SRRM2: variants seen among roughly 807,000 people sequenced by gnomAD.
The protein encoded by SRRM2 is serine/arginine repetitive matrix 2.
In SRRM2, 30 loss-of-function variants were observed where a neutral mutation model predicts 213.8. The observed-to-expected ratio is 0.14, with a 90% CI of 0.10 to 0.19. The LOEUF (loss-of-function observed/expected upper bound fraction) is 0.19. SRRM2 is among the 10% of genes least tolerant of loss of function. The pLI is 1.00. For missense variants in SRRM2, 4,904 were observed against 3,647.0 expected, an observed-to-expected ratio of 1.34 and a Z score of -8.88; for synonymous variants, 2,025 against 1,377.7, an observed-to-expected ratio of 1.47 and a Z score of -10.40.
rs369392470 is a variant in SRRM2 at position 2,767,391 on chromosome 16, G to A, written c.6863G>A (p.Arg2288His). Residue 2288 changes from arginine to histidine, a missense_variant, in exon 11 of 15, where the codon CGC (arginine) becomes CAC (histidine). Arg to His is a conservative substitution (Grantham distance 29). Coordinates refer to ENST00000301740, the MANE Select transcript of SRRM2 (RefSeq NM_016333.4). ...TCGGCTGTGAACCTGGCTGACCCTC[G>A]CACTCCCACAGCCCCAGCTGTGAAC... is the stretch of plus-strand genomic sequence containing the variant. ...APSAVNLADP[R>H]TPTAPAVNLA... 22 of 1,613,652 alleles carry A rather than the reference G, an allele frequency of 1.4e-5. No individual in the cohort carries two copies. The highest frequency in any genetic ancestry group is 4.0e-5 in the African/African-American group (3 of 74,886).
rs766069252 is a variant in SRRM2 at position 2,767,727 on chromosome 16, C to A, written c.7199C>A (p.Pro2400Gln). 6.2e-7 allele frequency: 1 copy of A among 1,613,758 alleles called. No homozygotes were observed. Among genetic ancestry groups the A allele is most frequent in the African/African-American group, 1.3e-5 (1 of 74,812 alleles). The part of the protein sequence containing the change: ...YERVSGRTSP[P>Q]LLDRARSRTP... ...CGTGTCAGTGGCAGAACCTCACCACCGCTCCTTGACCGAGCTAGGTCCAGA... is the reference window on the plus strand; with the variant it reads ...CGTGTCAGTGGCAGAACCTCACCACAGCTCCTTGACCGAGCTAGGTCCAGA... The change falls in exon 11 of 15, where the codon CCG becomes CAG. Residue 2400 changes from proline (P) to glutamine (Q), a missense_variant. Physicochemically the swap from Pro to Gln is moderately conservative, Grantham distance 76 (BLOSUM62 -1). Coordinates refer to ENST00000301740, the MANE Select transcript of SRRM2 (RefSeq NM_016333.4).
In SRRM2 at chr16:2,766,724, C is replaced by T. The variant is rs1217557219; in HGVS notation, c.6196C>T (p.Arg2066Trp). ...SRTPRTARGK[R>W]SLTRSPPAIR... ...TACTCCACGAACAGCTCGGGGTAAACGGTCCTTAACAAGATCTCCTCCAGC... is the reference window on the plus strand; with the variant it reads ...TACTCCACGAACAGCTCGGGGTAAATGGTCCTTAACAAGATCTCCTCCAGC... Residue 2066 changes from arginine to tryptophan, a missense_variant, in exon 11 of 15, where the codon CGG becomes TGG. By Grantham distance (101) the Arg-to-Trp change is moderately radical (BLOSUM62 -3). Coordinates refer to ENST00000301740, the MANE Select transcript of SRRM2 (RefSeq NM_016333.4). This position sits in a 1 kb window ranked among gnomAD's most constrained non-coding sequence, Gnocchi z 7.0. 9 of 1,614,076 alleles carry T rather than the reference C, an allele frequency of 5.6e-6. No homozygotes were observed. The highest frequency in any genetic ancestry group is 1.7e-5 in the Admixed American group (1 of 60,008).
At position 2,763,027 on chromosome 16, in the gene SRRM2, A is replaced by C; in HGVS notation, c.2499A>C (p.Gln833His). ...PKQKSKTPSRQSHSSSSPHPK... is the reference protein window; with the variant it reads ...PKQKSKTPSRHSHSSSSPHPK... ...AGAAATCTAAGACACCATCAAGACA[A>C]AGTCATTCCAGTTCATCTCCTCATC... The change falls in exon 11 of 15, where the codon CAA becomes CAC. Residue 833 changes from glutamine to histidine, a missense_variant. Gln to His is a conservative substitution (Grantham distance 24). Coordinates refer to ENST00000301740, the MANE Select transcript of SRRM2 (RefSeq NM_016333.4). The C allele has an allele frequency of 6.2e-7, 1 of 1,614,076 alleles. No homozygotes were observed. The highest frequency in any genetic ancestry group is 8.5e-7 in the Non-Finnish European group (1 of 1,179,974).
At chr16:2,759,776 T>C in intron 9 of SRRM2, 115 bp downstream of exon 9, 2 of 885,404 alleles carry the variant, frequency 2.3e-6, no homozygotes, top group South Asian at 1.5e-5. Flanking sequence ...GAAGACACGG[T>C]CCCTGCCCTC....
In SRRM2 at chr16:2,763,237, A is replaced by G. The variant is rs2068424536; in HGVS notation, c.2709A>G (p.Thr903=). The change falls in exon 11 of 15, where the codon ACA becomes ACG. Residue 903 remains threonine (T), a synonymous_variant. Transcript: ENST00000301740. ...GSSPPRVKSS[T]PPRQSPSRSS... The stretch of plus-strand genomic sequence containing the variant: ...CTCCTCCTAGAGTGAAATCTAGCAC[A>G]CCTCCCAGACAGAGCCCATCTAGGT... The G allele has an allele frequency of 1.9e-6, 3 of 1,613,874 alleles. No individual in the cohort carries two copies. The highest frequency in any genetic ancestry group is 1.3e-5 in the African/African-American group (1 of 74,946).
Position 2,766,799 on chromosome 16 carries a change from G to C in SRRM2, c.6271G>C (p.Ala2091Pro). 6.2e-7 allele frequency: 1 copy of C among 1,614,152 alleles called. No homozygotes were observed. Residue 2091 changes from alanine (A) to proline (P), a missense_variant, in exon 11 of 15, where the codon GCT becomes CCT. Physicochemically the swap from Ala to Pro is conservative, Grantham distance 27. Coordinates refer to ENST00000301740, the MANE Select transcript of SRRM2 (RefSeq NM_016333.4). This position sits in a 1 kb window ranked among gnomAD's most constrained non-coding sequence, Gnocchi z 7.0. ...SGSSSDRSRSATPPATRNHSG... is the reference protein window; with the variant it reads ...SGSSSDRSRSPTPPATRNHSG... ...AAGTAGTTCTGATCGTTCACGATCT[G>C]CTACTCCTCCAGCAACAAGAAATCA...
chr16:2,766,574 C>T lies in SRRM2; in HGVS notation c.6046C>T (p.Arg2016Cys), dbSNP rs774939188. ...CTCTCGAACCTCACCAGTGACACGCCGCCGCTCTAGGTCCCGGACACCTCC... is the reference window on the plus strand; with the variant it reads ...CTCTCGAACCTCACCAGTGACACGCTGCCGCTCTAGGTCCCGGACACCTCC... ...SRSRTSPVTR[R>C]RSRSRTPPAI... Residue 2016 changes from arginine to cysteine, a missense_variant, in exon 11 of 15, where the codon CGC becomes TGC. Coordinates refer to ENST00000301740, the MANE Select transcript of SRRM2 (RefSeq NM_016333.4). This position sits in a 1 kb window ranked among gnomAD's most constrained non-coding sequence, Gnocchi z 7.0. 1.4e-5 allele frequency: 23 copies of T among 1,614,018 alleles called. No homozygotes were observed. Among genetic ancestry groups the T allele is most frequent in the Admixed American group, 1.2e-4 (7 of 59,990 alleles).
In SRRM2 at chr16:2,766,227, C is replaced by T; in HGVS notation, c.5699C>T (p.Ser1900Leu). Reference sequence around the variant, plus strand: ...ACTTCACCAGTCAGCCGGAGACGGTCAAGGTCCAGGACTTCAGTGACTCGA... The same window carrying T: ...ACTTCACCAGTCAGCCGGAGACGGTTAAGGTCCAGGACTTCAGTGACTCGA... ...SRTSPVSRRR[S>L]RSRTSVTRRR... Residue 1900 changes from serine (S) to leucine (L), a missense_variant, in exon 11 of 15, where the codon TCA becomes TTA. Coordinates refer to ENST00000301740, the MANE Select transcript of SRRM2 (RefSeq NM_016333.4). This position sits in a 1 kb window ranked among gnomAD's most constrained non-coding sequence, Gnocchi z 7.0. 6.2e-7 allele frequency: 1 copy of T among 1,614,204 alleles called. No homozygotes were observed. The highest frequency in any genetic ancestry group is 1.1e-5 in the South Asian group (1 of 91,084).
In SRRM2 at chr16:2,763,840, A is replaced by T; in HGVS notation, c.3312A>T (p.Pro1104=). 6.2e-7 allele frequency: 1 copy of T among 1,614,224 alleles called. No homozygotes were observed. Among genetic ancestry groups the T allele is most frequent in the Non-Finnish European group, 8.5e-7 (1 of 1,180,032 alleles). Residue 1104 remains proline (P), a synonymous_variant, in exon 11 of 15, where the codon CCA becomes CCT. Transcript: ENST00000301740. ...GAGGTCGGTCCAGGTCTTCATCTCC[A>T]GTCACTGAGCTGGCATCCAGATCTC... The part of the protein sequence containing the change: ...PKGGRSRSSS[P]VTELASRSPI...
intron 11 of SRRM2, chr16:2,768,493 C>T: frequency 1.5e-6 from 1 of 685,004 alleles, no homozygotes; most frequent in Non-Finnish European, 2.6e-6. Flanking sequence ...GATAAGTTTT[C>T]CGTCTCTACA....
intron 10 of SRRM2, among the ~76,000 whole-genome samples, chr16:2,761,160 C>G (rs1317726465): frequency 6.6e-6 from 1 of 152,218 alleles, no homozygotes; most frequent in African/African-American, 2.4e-5. Context: ...TCACACAAAT[C>G]ATGTTCTCAC....
rs751345954 is a variant in SRRM2 at position 2,764,379 on chromosome 16, T to C, written c.3851T>C (p.Leu1284Pro). 1 of 1,614,134 alleles carries C rather than the reference T, an allele frequency of 6.2e-7. No homozygotes were observed. Among genetic ancestry groups the C allele is most frequent in the East Asian group, 2.2e-5 (1 of 44,890 alleles). The change falls in exon 11 of 15, where the codon CTT becomes CCT. Residue 1284 changes from leucine (L) to proline (P), a missense_variant. Transcript: ENST00000301740. ...GAAAGGCCTGCTGTGTCTTTGACTC[T>C]TGATCAGAGCCAGTCACAGGCTTCT... ...VEERPAVSLT[L>P]DQSQSQASLE...
At chr16:2,757,619 T>C in intron 3 of SRRM2, 40 bp downstream of exon 3, 1 of 1,592,716 alleles carries the variant, frequency 6.3e-7, no homozygotes, top group Non-Finnish European at 8.6e-7. Flanking sequence ...TGGACTCTAC[T>C]CTGGCTGCTG....
Position 2,762,301 on chromosome 16 carries a change from G to A in SRRM2, c.1773G>A (p.Arg591=), listed in dbSNP as rs750696654. ...GGTCCCGCTCTAGAACACCTGCCAG[G>A]CGGAGATCACGATCCAGAACTCCCA... ...RGRSRSRTPA[R]RRSRSRTPTR... The change falls in exon 11 of 15, where the codon AGG becomes AGA. Residue 591 remains arginine (R), a synonymous_variant. Transcript: ENST00000301740. 1.9e-6 allele frequency: 3 copies of A among 1,614,128 alleles called. No homozygotes were observed. The highest frequency in any genetic ancestry group is 4.5e-5 in the East Asian group (2 of 44,880).
Position 2,767,593 on chromosome 16 carries a change from C to T in SRRM2, c.7065C>T (p.Ser2355=). Residue 2355 remains serine, a synonymous_variant, in exon 11 of 15, where the codon TCC becomes TCT. Transcript: ENST00000301740. ...HATAPVNIAG[S]RTAAALAPAS... ...CAGCTCCTGTGAATATTGCCGGCTC[C>T]AGAACCGCCGCAGCCTTGGCCCCCG... The T allele has an allele frequency of 6.2e-7, 1 of 1,614,168 alleles. No homozygotes were observed. Among genetic ancestry groups the T allele is most frequent in the Non-Finnish European group, 8.5e-7 (1 of 1,180,014 alleles).
Position 2,762,785 on chromosome 16 carries a change from C to G in SRRM2, c.2257C>G (p.Arg753Gly), listed in dbSNP as rs186552728. The change falls in exon 11 of 15, where the codon CGC becomes GGC. Residue 753 changes from arginine (R) to glycine (G), a missense_variant. By Grantham distance (125) the Arg-to-Gly change is moderately radical. Coordinates refer to ENST00000301740, the MANE Select transcript of SRRM2 (RefSeq NM_016333.4). ...SNSSPEMKKS[R>G]ISSRRSRSLS... ...TTCAAGCCCAGAAATGAAGAAATCT[C>G]GCATTTCTTCAAGGCGGAGCAGGTC... 1,152 of 1,614,136 alleles carry G rather than the reference C, an allele frequency of 7.1e-4. 2 individuals carry two copies. Among genetic ancestry groups the G allele is most frequent in the Admixed American group, 1.0e-3 (62 of 60,024 alleles).
In SRRM2 at chr16:2,762,669, A is replaced by T; in HGVS notation, c.2141A>T (p.His714Leu). 6.2e-7 allele frequency: 1 copy of T among 1,614,038 alleles called. No individual in the cohort carries two copies. The highest frequency in any genetic ancestry group is 2.2e-5 in the East Asian group (1 of 44,876). ...SRSLVRRGRS[H>L]SRTPQRRGRS... ...AGCTTAGTTAGACGTGGAAGATCTC[A>T]CTCTAGAACACCTCAAAGAAGAGGC... The change falls in exon 11 of 15, where the codon CAC becomes CTC. Residue 714 changes from histidine to leucine, a missense_variant. By Grantham distance (99) the His-to-Leu change is moderately conservative. Transcript: ENST00000301740.
In SRRM2 at chr16:2,771,322, C is replaced by G. The variant is rs779574869; in HGVS notation, c.*455C>G. Reference sequence around the variant, plus strand: ...TGAGGTTGTGAACCCCTCCCCCCAACTTTTCATGTTTCTTAAAGGCATTTT... The same window carrying G: ...TGAGGTTGTGAACCCCTCCCCCCAAGTTTTCATGTTTCTTAAAGGCATTTT... On this transcript the variant is annotated 3_prime_UTR_variant, in exon 15 of 15. Transcript: ENST00000301740. 12 of 1,338,324 alleles carry G rather than the reference C, an allele frequency of 9.0e-6. No individual in the cohort carries two copies. The highest frequency in any genetic ancestry group is 2.9e-5 in the African/African-American group (2 of 69,058). 82.9% of individuals were successfully genotyped at this position (1,338,324 alleles called of 1,614,324 possible). A position where few individuals can be genotyped will look rare whatever the true frequency, so the allele number is the denominator to read the frequency against.
chr16:2,770,280 G>C, intron 12 of SRRM2, 72 bp from the exon 13 acceptor site: 2 of 1,488,144 alleles, frequency 1.3e-6, no homozygotes, highest in South Asian at 2.7e-5. Context: ...CAGGACCTGG[G>C]CGGGTGGTCC....
Sources: allele counts gnomAD v4.1 joint callset (sites outside exome capture counted in the v4.1 genomes callset), GRCh38; gene constraint gnomAD v4.1.1; non-coding constraint Gnocchi (gnomAD v3.1); transcripts MANE v1.5; gene names NCBI Gene and HGNC (gene_info 2026-07-23, HGNC 2026-07-21).